ZNF550: variants seen among roughly 807,000 people sequenced by gnomAD.
The protein encoded by ZNF550 is zinc finger protein 550.
In ZNF550, 42 loss-of-function variants were observed where a neutral mutation model predicts 40.2. The ratio of observed to expected loss-of-function variants is 1.05; its 90% CI spans 0.82 to 1.35. ZNF550 has a LOEUF of 1.35. Among genes scored for constraint, ZNF550 ranks in the 40% most tolerant of loss-of-function variants. The probability of loss-of-function intolerance (pLI) is 0.00; values close to 1 mark genes in which losing one functional copy is unlikely to be tolerated. For missense variants in ZNF550, 549 were observed against 525.2 expected, an observed-to-expected ratio of 1.05 and a Z score of -0.44; for synonymous variants, 223 against 198.6, an observed-to-expected ratio of 1.12 and a Z score of -1.03.
At chr19:57,560,962 G>T (rs527381880), upstream of ZNF550, among the ~76,000 whole-genome samples, 2 of 152,174 alleles carry the variant, frequency 1.3e-5, no homozygotes, top group African/African-American at 4.8e-5. Flanking sequence ...TTTAATTAGA[G>T]AGTGGAATAA....
upstream of ZNF550, among the ~76,000 whole-genome samples, chr19:57,561,326 A>G (rs1038766130): frequency 6.6e-5 from 10 of 152,220 alleles, no homozygotes; most frequent in Non-Finnish European, 1.5e-4. This position sits in a 1 kb window ranked among gnomAD's most constrained non-coding sequence, Gnocchi z 4.9. Flanking sequence ...AACATGTTCC[A>G]AATTTTGTTC....
chr19:57,549,297 T>A (rs2090051784), intron 3 of ZNF550, among the ~76,000 whole-genome samples: 1 of 152,056 alleles, frequency 6.6e-6, no homozygotes, highest in Non-Finnish European at 1.5e-5. Flanking sequence ...AATTAAAAAT[T>A]AGCCAGGCGT....
chr19:57,555,604 T>G (rs534965676), intron 2 of ZNF550: 111 of 155,674 alleles, frequency 7.1e-4, no homozygotes, highest in Non-Finnish European at 1.1e-3. Flanking sequence ...CCCAAAGTGC[T>G]GGGATTACAG....
At chr19:57,546,862 C>A in exon 4 of ZNF550, 1 of 1,433,512 alleles carries the variant, frequency 7.0e-7, no homozygotes, top group Admixed American at 2.8e-5. Context: ...TGAAAAGTTT[C>A]CTGACATTCT....
At chr19:57,556,390 C>T (rs1301077865) in intron 1 of ZNF550, 33 bp from the exon 2 acceptor site, 7 of 1,598,028 alleles carry the variant, frequency 4.4e-6, no homozygotes, top group Non-Finnish European at 6.0e-6. Context: ...TGCTATTGGC[C>T]TTGTGTTGTC....
At chr19:57,559,744 G>A (rs141158925) in exon 1 of ZNF550, 5 of 1,399,400 alleles carry the variant, frequency 3.6e-6, no homozygotes, top group East Asian at 5.6e-5. Flanking sequence ...CCCTACCCCG[G>A]GTCCTACAAC....
At chr19:57,556,086 T>G in intron 2 of ZNF550, 145 bp downstream of exon 2, 1 of 1,064,050 alleles carries the variant, frequency 9.4e-7, no homozygotes, top group South Asian at 1.3e-5. Context: ...CCCGACAATC[T>G]CTGATGCAGA....
chr19:57,559,176 A>C (rs1169540139), intron 1 of ZNF550, among the ~76,000 whole-genome samples: 1 of 152,146 alleles, frequency 6.6e-6, no homozygotes, highest in Middle Eastern at 3.2e-3. Context: ...TCCGGAAACA[A>C]CATCCTGAGC....
chr19:57,557,837 G>GATCTCTCTAAGGCA (rs1443245921), intron 1 of ZNF550, among the ~76,000 whole-genome samples: 1 of 152,148 alleles, frequency 6.6e-6, no homozygotes, highest in East Asian at 1.9e-4. Context: ...GATGTCACAT[G>GATCTCTCTAAGGCA]ATCTCTCTAA....
chr19:57,559,639 C>A lies in ZNF550; in HGVS notation c.27+17G>T. The A allele has an allele frequency of 6.8e-7, 1 of 1,472,452 alleles. No homozygotes were observed. The highest frequency in any genetic ancestry group is 1.4e-5 in the African/African-American group (1 of 71,272). 91.2% of individuals were successfully genotyped at this position (1,472,452 alleles called of 1,614,324 possible). On this transcript the variant is annotated intron_variant, in intron 1 of 4. Transcript: ENST00000457177. ...CTGAGGCCGGGTGGCCGCGGGGAGC[C>A]GAGCCAGTCTGCTCACCTGCGCTGC...
chr19:57,545,076 C>A (rs997590787), intron 4 of ZNF550, among the ~76,000 whole-genome samples: 1 of 152,270 alleles, frequency 6.6e-6, no homozygotes, highest in Admixed American at 6.5e-5. Context: ...GAGCCAAGAT[C>A]GCACTCCTGC....
chr19:57,547,871 T>C, exon 4 of ZNF550: 1 of 1,614,006 alleles, frequency 6.2e-7, no homozygotes, highest in Non-Finnish European at 8.5e-7. Context: ...TCCCTAGCTC[T>C]CCCCAACCTC....
At chr19:57,546,886 A>G (rs182457806) in exon 4 of ZNF550, 5 of 1,471,124 alleles carry the variant, frequency 3.4e-6, no homozygotes, top group East Asian at 2.3e-5. Flanking sequence ...CATTCGAAGG[A>G]CTTCTTCCTA....
chr19:57,546,903 G>A, exon 4 of ZNF550: 6 of 1,516,952 alleles, frequency 4.0e-6, no homozygotes, highest in South Asian at 1.3e-5. Flanking sequence ...CCTACAGTGT[G>A]GGTCCCATTA....
intron 3 of ZNF550, among the ~76,000 whole-genome samples, chr19:57,551,015 T>C (rs1051439787): frequency 6.6e-6 from 1 of 152,194 alleles, no homozygotes; most frequent in Non-Finnish European, 1.5e-5. Context: ...GGTTTTGTAT[T>C]GTGCACACTT....
At chr19:57,557,906 C>A (rs1380286302) in intron 1 of ZNF550, among the ~76,000 whole-genome samples, 1 of 152,204 alleles carries the variant, frequency 6.6e-6, no homozygotes, top group African/African-American at 2.4e-5. Context: ...GCTCTAAGAA[C>A]TAAACAGAAA....
Position 57,556,361 on chromosome 19 carries a change from G to T in ZNF550, c.28-4C>A. On this transcript the variant is annotated splice_polypyrimidine_tract_variant and splice_region_variant and intron_variant, in intron 1 of 4. Transcript: ENST00000457177. ...CATCCTTGAAGGTCACCAACATCTGGAAAGTCAAACAGAAGTAATGCTATT... is the reference window on the plus strand; with the variant it reads ...CATCCTTGAAGGTCACCAACATCTGTAAAGTCAAACAGAAGTAATGCTATT... 1 of 1,611,966 alleles carries T rather than the reference G, an allele frequency of 6.2e-7. No homozygotes were observed. Among genetic ancestry groups the T allele is most frequent in the Non-Finnish European group, 8.5e-7 (1 of 1,179,074 alleles).
intron 4 of ZNF550, among the ~76,000 whole-genome samples, chr19:57,545,377 G>A (rs763469444): frequency 6.6e-6 from 1 of 152,076 alleles, no homozygotes; most frequent in African/African-American, 2.4e-5. Context: ...TATTTTGCCT[G>A]TTTTAGCTAT....
intron 2 of ZNF550, chr19:57,553,797 G>A (rs1480304864): frequency 6.6e-6 from 1 of 152,136 alleles, no homozygotes; most frequent in Non-Finnish European, 1.5e-5. Flanking sequence ...CAAACCAAAT[G>A]AAACAAAATT....
Sources: allele counts gnomAD v4.1 joint callset (sites outside exome capture counted in the v4.1 genomes callset), GRCh38; gene constraint gnomAD v4.1.1; non-coding constraint Gnocchi (gnomAD v3.1); transcripts MANE v1.5; gene names NCBI Gene and HGNC (gene_info 2026-07-23, HGNC 2026-07-21).